The following PDE10A variants were observed in gnomAD, a reference collection of about 807,000 sequenced individuals.
The protein encoded by PDE10A is phosphodiesterase 10A.
In PDE10A, 39 loss-of-function variants were observed where a neutral mutation model predicts 97.7. The observed-to-expected ratio is 0.40, with a 90% CI of 0.31 to 0.52. The LOEUF is 0.52. PDE10A is among the 20% of genes least tolerant of loss of function. PDE10A has a pLI of 0.56. For synonymous variants in PDE10A, 371 were observed against 376.8 expected, an observed-to-expected ratio of 0.98 and a Z score of 0.18; for missense variants, 731 against 1,047.8, an observed-to-expected ratio of 0.70 and a Z score of 4.17.
intron 1 of PDE10A, among the ~76,000 whole-genome samples, chr6:165,776,187 C>T (rs1315199120): frequency 6.6e-6 from 1 of 152,170 alleles, no homozygotes; most frequent in African/African-American, 2.4e-5. Context: ...TTTAGATTGA[C>T]TGTGGTTAAT....
chr6:165,674,042 A>C (rs1355815119), intron 1 of PDE10A, among the ~76,000 whole-genome samples: 1 of 152,176 alleles, frequency 6.6e-6, no homozygotes, highest in Non-Finnish European at 1.5e-5. Flanking sequence ...AATGTTTCCC[A>C]GGAAAGAAAA....
intron 3 of PDE10A, among the ~76,000 whole-genome samples, chr6:165,453,524 A>T (rs1035659809): frequency 6.6e-6 from 1 of 152,194 alleles, no homozygotes; most frequent in Non-Finnish European, 1.5e-5. Flanking sequence ...GTGTCCATGG[A>T]ACCTCAGCTT....
intron 1 of PDE10A, among the ~76,000 whole-genome samples, chr6:165,888,641 G>A (rs533122669): frequency 2.4e-4 from 36 of 152,240 alleles, no homozygotes; most frequent in Admixed American, 1.0e-3. Flanking sequence ...CCAAGGCTGG[G>A]ATTTTTATTT....
intron 1 of PDE10A, among the ~76,000 whole-genome samples, chr6:165,659,044 G>T (rs1348554529): frequency 6.6e-6 from 1 of 152,116 alleles, no homozygotes; most frequent in Non-Finnish European, 1.5e-5. Flanking sequence ...GGGTCCTGGC[G>T]GTAGCTCTTA....
At chr6:165,492,061 T>G (rs221730) in intron 2 of PDE10A, among the ~76,000 whole-genome samples, 52,848 of 151,894 alleles carry the variant, frequency 0.35, 11,262 homozygotes, top group Admixed American at 0.45. Context: ...CAAAGGATGA[T>G]TCAAGGCTAC....
upstream of PDE10A, among the ~76,000 whole-genome samples, chr6:165,665,202 C>T (rs1790467969): frequency 6.6e-6 from 1 of 152,224 alleles, no homozygotes; most frequent in African/African-American, 2.4e-5. Flanking sequence ...CTCCTTCATA[C>T]TGGTGTCCAC....
intron 1 of PDE10A, among the ~76,000 whole-genome samples, chr6:165,854,605 CGTCTT>C (rs2128475386): frequency 6.6e-6 from 1 of 152,252 alleles, no homozygotes; most frequent in Admixed American, 6.5e-5. Context: ...CTGGCCTCGC[CGTCTT>C]GTCTTGCTGG....
chr6:165,560,335 C>T (rs1784460397), intron 1 of PDE10A, among the ~76,000 whole-genome samples: 2 of 152,186 alleles, frequency 1.3e-5, no homozygotes, highest in Admixed American at 6.5e-5. Flanking sequence ...GAAAAGGGGA[C>T]CTTCAGTCCT....
intron 1 of PDE10A, among the ~76,000 whole-genome samples, chr6:165,740,438 C>A (rs892572549): frequency 4.6e-5 from 7 of 152,116 alleles, no homozygotes; most frequent in Non-Finnish European, 8.8e-5. Context: ...TCAAGCAATT[C>A]TCCTGCCTCA....
chr6:165,594,243 AG>A (rs2128387903), intron 1 of PDE10A, among the ~76,000 whole-genome samples: 1 of 152,332 alleles, frequency 6.6e-6, no homozygotes, highest in East Asian at 1.9e-4. Flanking sequence ...GGTCTGAAAT[AG>A]GAACATACAA....
intron 1 of PDE10A, among the ~76,000 whole-genome samples, chr6:165,986,930 C>T (rs556417799): frequency 7.9e-5 from 12 of 151,354 alleles, no homozygotes; most frequent in African/African-American, 2.7e-4. Flanking sequence ...GGACCCCCTC[C>T]TCCCCTATGA....
intron 10 of PDE10A, among the ~76,000 whole-genome samples, chr6:165,424,232 T>A (rs220811): frequency 6.6e-6 from 1 of 152,146 alleles, no homozygotes; most frequent in African/African-American, 2.4e-5. Flanking sequence ...TTCAGGGCAC[T>A]GTTATGCTCC....
chr6:165,360,963 G>T (rs1304334081), intron 18 of PDE10A, among the ~76,000 whole-genome samples: 1 of 152,136 alleles, frequency 6.6e-6, no homozygotes, highest in Non-Finnish European at 1.5e-5. Context: ...AAGACAATTT[G>T]CTTTCCCCCA....
At chr6:165,576,661 C>G (rs953514462) in intron 1 of PDE10A, among the ~76,000 whole-genome samples, 1 of 152,200 alleles carries the variant, frequency 6.6e-6, no homozygotes, top group South Asian at 2.1e-4. Flanking sequence ...CATATCCCAT[C>G]TCTTTAAGTG....
chr6:165,373,362 A>G (rs1784394218), intron 18 of PDE10A, among the ~76,000 whole-genome samples: 1 of 152,218 alleles, frequency 6.6e-6, no homozygotes, highest in Non-Finnish European at 1.5e-5. Context: ...AGAATCTACA[A>G]TGAACTCAAA....
intron 1 of PDE10A, among the ~76,000 whole-genome samples, chr6:165,910,282 A>T (rs1000427356): frequency 4.6e-5 from 7 of 152,236 alleles, no homozygotes; most frequent in African/African-American, 1.4e-4. Flanking sequence ...GGTAGACAAG[A>T]TGGCCAGAAA....
rs372026600 is a variant in PDE10A, at chr6:165,562,887, CAGTGACATCT to C, written c.866-19329_866-19320del. 3.4e-3 allele frequency among the ~76,000 whole-genome samples: 519 copies of C among 152,060 alleles called. 1 individual carries two copies. Among genetic ancestry groups the C allele is most frequent in the African/African-American group, 0.011 (476 of 41,478 alleles). ...GGTTGTCATAAGAGGAAGGGGGTAC[CAGTGACATCT>C]AGTGACATCTAGTGCGTAGAAGCCG... On this transcript the variant is annotated intron_variant, in intron 1 of 21. Coordinates refer to ENST00000539869, the MANE Select transcript of PDE10A (RefSeq NM_001385079.1).
chr6:165,769,264 A>G (rs1196158555), intron 1 of PDE10A, among the ~76,000 whole-genome samples: 4 of 152,204 alleles, frequency 2.6e-5, no homozygotes, highest in Admixed American at 1.3e-4. Context: ...ATCTAATTTT[A>G]ATTAAGTTAA....
intron 1 of PDE10A, among the ~76,000 whole-genome samples, chr6:165,874,927 C>T (rs1174000495): frequency 6.6e-6 from 1 of 152,126 alleles, no homozygotes; most frequent in Non-Finnish European, 1.5e-5. Context: ...GACACTGGGT[C>T]AGTAGGGACC....
Sources: allele counts gnomAD v4.1 joint callset (sites outside exome capture counted in the v4.1 genomes callset), GRCh38; gene constraint gnomAD v4.1.1; transcripts MANE v1.5; gene names NCBI Gene and HGNC (gene_info 2026-07-23, HGNC 2026-07-21).